The following SRGAP3 variants were observed in gnomAD, a reference collection of about 807,000 sequenced individuals.
SRGAP3 encodes SLIT-ROBO Rho GTPase activating protein 3.
A neutral mutation model predicts 121.1 loss-of-function variants in SRGAP3; 39 were observed. The observed-to-expected ratio is 0.32, with a 90% CI of 0.25 to 0.42. SRGAP3 has a LOEUF of 0.42. SRGAP3 is among the 10% of genes least tolerant of loss of function. The pLI is 1.00. For synonymous variants in SRGAP3, 601 were observed against 570.0 expected (o/e 1.05, Z -0.77); for missense variants, 1,213 against 1,470.6 (o/e 0.82, Z 2.86).
chr3:9,234,598 T>G (rs1953337570), intron 1 of SRGAP3, among the ~76,000 whole-genome samples: 1 of 152,146 alleles, frequency 6.6e-6, no homozygotes, highest in Non-Finnish European at 1.5e-5. Context: ...CAGCGAGAAC[T>G]CTACCCGCCT....
At chr3:9,257,012 A>G (rs1314892981) in intron 3 of SRGAP3, 2 of 396,450 alleles carry the variant, frequency 5.0e-6, no homozygotes, top group Non-Finnish European at 8.9e-6. Flanking sequence ...TAAGTGCCAC[A>G]TAAGCATCTG....
intron 3 of SRGAP3, among the ~76,000 whole-genome samples, chr3:9,295,732 T>C (rs1954942800): frequency 6.6e-6 from 1 of 152,180 alleles, no homozygotes. Flanking sequence ...ATCACTACCA[T>C]CCATCTCCAG....
At chr3:9,186,933 C>T (rs1345214008) in intron 1 of SRGAP3, among the ~76,000 whole-genome samples, 1 of 152,150 alleles carries the variant, frequency 6.6e-6, no homozygotes, top group South Asian at 2.1e-4. Flanking sequence ...CACGTTCTTA[C>T]TTTTCCTTCA....
upstream of SRGAP3, among the ~76,000 whole-genome samples, chr3:9,252,580 G>T (rs143313386): frequency 2.3e-4 from 35 of 152,286 alleles, no homozygotes; most frequent in Middle Eastern, 6.8e-3. Flanking sequence ...GAAAAGGTCT[G>T]TGTCCCCTGA....
At chr3:9,146,923 G>C (rs568842845) in intron 1 of SRGAP3, among the ~76,000 whole-genome samples, 13 of 152,352 alleles carry the variant, frequency 8.5e-5, no homozygotes, top group African/African-American at 2.9e-4. Context: ...AGCCTGCTGT[G>C]ATGCAATGTA....
Position 9,028,279 on chromosome 3 carries a change from C to A in SRGAP3, c.1540-1284G>T, listed in dbSNP as rs182069278. The A allele has an allele frequency of 5.6e-4, 641 of 1,135,124 alleles. 4 individuals are homozygous for A. The African/African-American group carries it at 8.5e-3, about 15-fold the overall frequency. 70.3% of individuals were successfully genotyped at this position (1,135,124 alleles called of 1,614,324 possible). A position where few individuals can be genotyped will look rare whatever the true frequency, so the allele number is the denominator to read the frequency against. ...CCAAGGTCCTGGGGAGCCTGCCAAA[C>A]AGCCGGCCTGTGGGGAGAGCCACCC... On this transcript the variant is annotated intron_variant, in intron 12 of 21. Coordinates refer to ENST00000383836, the MANE Select transcript of SRGAP3 (RefSeq NM_014850.4).
intron 21 of SRGAP3, among the ~76,000 whole-genome samples, chr3:8,986,368 C>G (rs746557406): frequency 6.6e-6 from 1 of 152,158 alleles, no homozygotes; most frequent in Non-Finnish European, 1.5e-5. Flanking sequence ...TGGCCTGACC[C>G]CTGGCACAGA....
chr3:9,328,396 C>A (rs1201247395), intron 2 of SRGAP3, among the ~76,000 whole-genome samples: 1 of 152,136 alleles, frequency 6.6e-6, no homozygotes, highest in Non-Finnish European at 1.5e-5. Context: ...AAGAGCAGGG[C>A]CAGGAAAGGG....
At chr3:9,225,018 G>A (rs1215328617) in intron 1 of SRGAP3, among the ~76,000 whole-genome samples, 1 of 152,152 alleles carries the variant, frequency 6.6e-6, no homozygotes, top group Non-Finnish European at 1.5e-5. Flanking sequence ...CAACAGATTA[G>A]AGCTAACAGT....
intron 1 of SRGAP3, among the ~76,000 whole-genome samples, chr3:9,199,450 T>C (rs896483833): frequency 3.3e-5 from 5 of 152,170 alleles, no homozygotes; most frequent in Non-Finnish European, 7.4e-5. Flanking sequence ...ACCAATCAAA[T>C]GGTTTCCAAT....
intron 3 of SRGAP3, among the ~76,000 whole-genome samples, chr3:9,311,427 G>A (rs1955244579): frequency 6.6e-6 from 1 of 152,164 alleles, no homozygotes; most frequent in South Asian, 2.1e-4. Context: ...GTAAAATAGA[G>A]GTCAGCCAAC....
intron 1 of SRGAP3, among the ~76,000 whole-genome samples, chr3:9,228,904 T>C (rs1017273058): frequency 1.3e-5 from 2 of 150,010 alleles, no homozygotes; most frequent in Non-Finnish European, 3.0e-5. Context: ...CTACTAAAAA[T>C]ACAAAAAATT....
intron 3 of SRGAP3, among the ~76,000 whole-genome samples, chr3:9,084,094 T>G (rs1445150454): frequency 6.6e-6 from 1 of 152,320 alleles, no homozygotes; most frequent in South Asian, 2.1e-4. Flanking sequence ...ATTTGATACT[T>G]TGTTTAATCT....
intron 1 of SRGAP3, among the ~76,000 whole-genome samples, chr3:9,140,594 C>T (rs1193447987): frequency 6.6e-6 from 1 of 152,148 alleles, no homozygotes; most frequent in African/African-American, 2.4e-5. Flanking sequence ...TTAGCATTTG[C>T]AGGCCATATC....
chr3:9,227,000 C>T (rs1559226271), intron 1 of SRGAP3, among the ~76,000 whole-genome samples: 2 of 152,134 alleles, frequency 1.3e-5, no homozygotes, highest in Non-Finnish European at 2.9e-5. Context: ...AAAAACCCAC[C>T]TGCCCACAGG....
At chr3:9,028,182 T>C (rs1944306428) in intron 12 of SRGAP3, 1 of 1,610,876 alleles carries the variant, frequency 6.2e-7, no homozygotes, top group Non-Finnish European at 8.5e-7. Context: ...GAAAAGATTA[T>C]GCAGGAATAA....
chr3:9,082,308 G>A (rs1033706747), intron 3 of SRGAP3, among the ~76,000 whole-genome samples: 1 of 152,082 alleles, frequency 6.6e-6, no homozygotes. Flanking sequence ...CAAATTACCC[G>A]GCCTCAGGTA....
chr3:8,991,878 A>G (rs903118046), intron 20 of SRGAP3, among the ~76,000 whole-genome samples: 2 of 152,218 alleles, frequency 1.3e-5, no homozygotes, highest in African/African-American at 4.8e-5. Context: ...GAAAGGAAGC[A>G]GTACTTAGAA....
chr3:9,316,429 C>T (rs542247985), intron 3 of SRGAP3, among the ~76,000 whole-genome samples: 6 of 147,616 alleles, frequency 4.1e-5, no homozygotes, highest in Non-Finnish European at 7.5e-5. Context: ...GAGGCCGAGG[C>T]GGGTGGATCC....
Sources: gnomAD v4.1 joint callset for allele counts (sites outside exome capture counted in the v4.1 genomes callset) on GRCh38, gnomAD v4.1.1 for gene constraint, MANE v1.5 for transcripts, NCBI Gene and HGNC (gene_info 2026-07-23, HGNC 2026-07-21) for gene names.